Variants in ARAP1 observed in about 807,000 individuals in gnomAD.
ARAP1 encodes the protein ArfGAP with RhoGAP domain, ankyrin repeat and PH domain 1.
In ARAP1, 76 loss-of-function variants were observed where a neutral mutation model predicts 172.2. The ratio of observed to expected loss-of-function variants is 0.44; its 90% CI spans 0.37 to 0.53. ARAP1 has a LOEUF of 0.53. Among genes scored for constraint, ARAP1 ranks in the 20% least tolerant of loss-of-function variants. The probability of loss-of-function intolerance (pLI) is 0.00; values close to 1 mark genes in which losing one functional copy is unlikely to be tolerated. For missense variants in ARAP1, 1,686 were observed against 1,977.5 expected (o/e 0.85, Z 2.80); for synonymous variants, 804 against 803.3 (o/e 1.00, Z -0.01).
At position 72,695,657 on chromosome 11, in the gene ARAP1, T is replaced by G. The variant is rs1591178482; in HGVS notation, c.3421-29A>C. On this transcript the variant is annotated intron_variant, in intron 24 of 34. Coordinates refer to ENST00000393609, the MANE Select transcript of ARAP1 (RefSeq NM_001040118.3). The surrounding 1 kb of genome is among the most constrained non-coding windows in gnomAD (Gnocchi z 4.4). ...GGAAGGGGCGAGAGGCAGGGACAGGTGGTCACCGTCATCTGCAAGGATCAC... is the reference window on the plus strand; with the variant it reads ...GGAAGGGGCGAGAGGCAGGGACAGGGGGTCACCGTCATCTGCAAGGATCAC... 6.2e-7 allele frequency: 1 copy of G among 1,613,734 alleles called. No homozygotes were observed. The highest frequency in any genetic ancestry group is 2.2e-5 in the East Asian group (1 of 44,866).
At chr11:72,746,202 C>T (rs962630564) in intron 1 of ARAP1, among the ~76,000 whole-genome samples, 2 of 152,166 alleles carry the variant, frequency 1.3e-5, no homozygotes, top group South Asian at 2.1e-4. Context: ...CACTACAACC[C>T]GTGAATGCAG....
At chr11:72,705,007 C>G (rs1237359865) in intron 13 of ARAP1, 1 of 152,538 alleles carries the variant, frequency 6.6e-6, no homozygotes, top group African/African-American at 2.4e-5. Flanking sequence ...ACTGGTTATT[C>G]TAATCCTAAC....
intron 19 of ARAP1, 123 bp from the exon 20 acceptor site, chr11:72,697,772 G>A: frequency 6.6e-7 from 1 of 1,508,582 alleles, no homozygotes; most frequent in Non-Finnish European, 9.0e-7. Context: ...TGGCTGAGAT[G>A]CACCCCAAGG....
In ARAP1 at chr11:72,711,463, A is replaced by G; in HGVS notation, c.1059T>C (p.Asp353=). The G allele has an allele frequency of 6.2e-7, 1 of 1,613,210 alleles. No homozygotes were observed. Among genetic ancestry groups the G allele is most frequent in the South Asian group, 1.1e-5 (1 of 91,072 alleles). The change falls in exon 8 of 35, where the codon GAT becomes GAC. Residue 353 remains aspartate (D), a synonymous_variant. Transcript: ENST00000393609. ...YIYQKRWVRL[D]TDHLRYFDSN... Reference sequence around the variant, plus strand: ...TGTCAAAGTATCGCAGGTGATCAGTATCCAGTCTCACCCATCGTTTCTGAT... The same window carrying G: ...TGTCAAAGTATCGCAGGTGATCAGTGTCCAGTCTCACCCATCGTTTCTGAT...
Position 72,697,176 on chromosome 11 carries a change from G to C in ARAP1, c.2973C>G (p.Ile991Met). Reference protein sequence around the residue: ...ITQCGLTSEGIYRKCGQTSKT... With the variant: ...ITQCGLTSEGMYRKCGQTSKT... ...TCGATGTCTGCCCACACTTGCGGTAGATGCCCTCGGAGGTCAGGCCTAGGG... is the reference window on the plus strand; with the variant it reads ...TCGATGTCTGCCCACACTTGCGGTACATGCCCTCGGAGGTCAGGCCTAGGG... Residue 991 changes from isoleucine (I) to methionine (M), a missense_variant, in exon 22 of 35, where the codon ATC becomes ATG. Ile to Met is a conservative substitution (Grantham distance 10, BLOSUM62 1). Coordinates refer to ENST00000393609, the MANE Select transcript of ARAP1 (RefSeq NM_001040118.3). 2 of 1,602,676 alleles carry C rather than the reference G, an allele frequency of 1.2e-6. No homozygotes were observed. Among genetic ancestry groups the C allele is most frequent in the African/African-American group, 1.3e-5 (1 of 75,044 alleles).
intron 30 of ARAP1, among the ~76,000 whole-genome samples, chr11:72,691,920 C>A (rs1463402807): frequency 3.3e-5 from 5 of 152,166 alleles, no homozygotes; most frequent in African/African-American, 7.2e-5. Flanking sequence ...AAGAAGCGCA[C>A]AACCTAGATC....
rs1855721958 is a variant in ARAP1, at chr11:72,687,053, TG to T, written c.4185+385del. On this transcript the variant is annotated intron_variant, in intron 33 of 34. Coordinates refer to ENST00000393609, the MANE Select transcript of ARAP1 (RefSeq NM_001040118.3). ...GGACCTTTGCCTAAACCGTTCCCTC[TG>T]CCTAGAAGTCATCCCCCTCCTCTAT... Among the ~76,000 whole-genome samples the T allele has an allele frequency of 2.0e-5, 3 of 152,218 alleles. No homozygotes were observed. In the South Asian group the frequency reaches 6.2e-4, roughly 31 times the overall value.
chr11:72,697,041 G>T lies in ARAP1; in HGVS notation c.3108C>A (p.Arg1036=). The change falls in exon 22 of 35, where the codon CGC becomes CGA. Residue 1036 remains arginine (R), a synonymous_variant. Coordinates refer to ENST00000393609, the MANE Select transcript of ARAP1 (RefSeq NM_001040118.3). ...GAGTGAAGAGCCCATCAGGCAGGTC[G>T]CGCAGGAAGCGCTTGAGCGCCGAGG... ...DVSSALKRFL[R]DLPDGLFTRA... The T allele has an allele frequency of 6.2e-7, 1 of 1,609,994 alleles. No individual in the cohort carries two copies.
chr11:72,718,687 G>C (rs1047947677), intron 3 of ARAP1, among the ~76,000 whole-genome samples: 1 of 152,102 alleles, frequency 6.6e-6, no homozygotes, highest in Non-Finnish European at 1.5e-5. Flanking sequence ...GGCAGCTAAG[G>C]GGTTGGTTCA....
At position 72,687,501 on chromosome 11, in the gene ARAP1, A is replaced by G; in HGVS notation, c.4123T>C (p.Tyr1375His). The G allele has an allele frequency of 6.2e-7, 1 of 1,613,944 alleles. No individual in the cohort carries two copies. Among genetic ancestry groups the G allele is most frequent in the African/African-American group, 1.3e-5 (1 of 75,012 alleles). Residue 1375 changes from tyrosine (Y) to histidine (H), a missense_variant and splice_region_variant, in exon 33 of 35, where the codon TAC (tyrosine) becomes CAC (histidine). By Grantham distance (83) the Tyr-to-His change is moderately conservative (BLOSUM62 2). Transcript: ENST00000393609. ...ETEKHEKQQW[Y>H]LCCDTQMELR... ...TCCATCTGTGTGTCACAGCAGAGGT[A>G]CCTGCAGGGTTGGACGCGGACCCAC...
chr11:72,717,993 C>T (rs1017891751), intron 3 of ARAP1, among the ~76,000 whole-genome samples: 16 of 152,106 alleles, frequency 1.1e-4, no homozygotes, highest in Non-Finnish European at 1.6e-4. Flanking sequence ...GCCCTGCCCA[C>T]GGCAAGAAGG....
intron 11 of ARAP1, 64 bp from the exon 12 acceptor site, chr11:72,707,438 G>T: frequency 6.8e-7 from 1 of 1,469,222 alleles, no homozygotes. Context: ...GGCAGCATGA[G>T]GATGCACAGA....
In ARAP1 at chr11:72,697,393, C is replaced by G. The variant is rs542698728; in HGVS notation, c.2883G>C (p.Ser961=). ...KAAASMGDTL[S]EQQLGDSDIP... ...TATCCGAGTCCCCAAGCTGCTGCTC[C>G]GACAGCGTGTCCCCCATGCTGGCGG... The change falls in exon 21 of 35, where the codon TCG becomes TCC. Residue 961 remains serine, a synonymous_variant. Transcript: ENST00000393609. 1 of 1,611,214 alleles carries G rather than the reference C, an allele frequency of 6.2e-7. No individual in the cohort carries two copies. Among genetic ancestry groups the G allele is most frequent in the Non-Finnish European group, 8.5e-7 (1 of 1,178,980 alleles).
Position 72,699,477 on chromosome 11 carries a change from T to A in ARAP1, c.2378A>T (p.Asn793Ile). The change falls in exon 17 of 35, where the codon AAT becomes ATT. Residue 793 changes from asparagine to isoleucine, a missense_variant. This residue lies in a region of ARAP1 where 688 missense variants were observed against 856.9 expected (regional missense o/e 0.80). Coordinates refer to ENST00000393609, the MANE Select transcript of ARAP1 (RefSeq NM_001040118.3). The surrounding 1 kb of genome is among the most constrained non-coding windows in gnomAD (Gnocchi z 4.2). ...YFENERAVTPNGEIRASEIVC... is the reference protein window; with the variant it reads ...YFENERAVTPIGEIRASEIVC... ...AATCTCGCTGGCCCGAATCTCTCCATTGGGGGTCACTGCCCGCTCATTCTC... is the reference window on the plus strand; with the variant it reads ...AATCTCGCTGGCCCGAATCTCTCCAATGGGGGTCACTGCCCGCTCATTCTC... The A allele has an allele frequency of 6.2e-7, 1 of 1,614,032 alleles. No individual in the cohort carries two copies. Among genetic ancestry groups the A allele is most frequent in the Non-Finnish European group, 8.5e-7 (1 of 1,179,980 alleles).
At chr11:72,723,024 G>A (rs915326000) in intron 3 of ARAP1, among the ~76,000 whole-genome samples, 1 of 152,118 alleles carries the variant, frequency 6.6e-6, no homozygotes, top group Non-Finnish European at 1.5e-5. Context: ...TTAATGGTAG[G>A]GTGCCGAGTG....
chr11:72,696,014 G>T, intron 23 of ARAP1, 149 bp from the exon 24 acceptor site: 2 of 1,018,610 alleles, frequency 2.0e-6, no homozygotes, highest in Middle Eastern at 3.3e-4. Flanking sequence ...CCATATCTTG[G>T]GTCCTGGTAG....
At chr11:72,744,394 C>A (rs1271457103) in intron 1 of ARAP1, among the ~76,000 whole-genome samples, 1 of 152,146 alleles carries the variant, frequency 6.6e-6, no homozygotes, top group Non-Finnish European at 1.5e-5. Context: ...TCCAGCCTCC[C>A]AATACGAGGT....
chr11:72,693,235 A>G lies in ARAP1; in HGVS notation c.3954+90T>C, dbSNP rs535466342. ...GCCATCCTGAGAGCCTGTAACGGGAATATTTCCACTTGCAGACCAAGGGGA... is the reference window on the plus strand; with the variant it reads ...GCCATCCTGAGAGCCTGTAACGGGAGTATTTCCACTTGCAGACCAAGGGGA... On this transcript the variant is annotated intron_variant, in intron 29 of 34. Transcript: ENST00000393609. This position sits in a 1 kb window ranked among gnomAD's most constrained non-coding sequence, Gnocchi z 4.6. 1.1e-3 allele frequency: 1,616 copies of G among 1,526,424 alleles called. 33 individuals carry two copies. The South Asian group carries it at 0.019, about 18-fold the overall frequency. 94.6% of individuals were successfully genotyped at this position (1,526,424 alleles called of 1,614,324 possible).
chr11:72,747,736 A>G (rs1858410606), intron 1 of ARAP1, among the ~76,000 whole-genome samples: 1 of 152,346 alleles, frequency 6.6e-6, no homozygotes, highest in South Asian at 2.1e-4. Context: ...ACAATAGCAG[A>G]AACCAAACCT....
Sources: gnomAD v4.1 joint callset for allele counts (sites outside exome capture counted in the v4.1 genomes callset) on GRCh38, gnomAD v4.1.1 for gene constraint, gnomAD v4.1.1 regional missense constraint, Gnocchi (gnomAD v3.1) non-coding constraint, MANE v1.5 for transcripts, NCBI Gene and HGNC (gene_info 2026-07-23, HGNC 2026-07-21) for gene names.